The following SAMMSON variants were observed in gnomAD, a reference collection of about 807,000 sequenced individuals.
SAMMSON encodes the protein long intergenic non-protein coding RNA 1212.
chr3:70,187,878 C>T (rs927490640), intron 4 of SAMMSON, among the ~76,000 whole-genome samples: 1 of 152,120 alleles, frequency 6.6e-6, no homozygotes, highest in Non-Finnish European at 1.5e-5. Flanking sequence ...AGAAGCTCAG[C>T]CCTCTGGTTT....
At chr3:70,189,655 CTAGGGTAATCAAGAA>C (rs1701116934) in intron 4 of SAMMSON, among the ~76,000 whole-genome samples, 2 of 152,138 alleles carry the variant, frequency 1.3e-5, no homozygotes, top group Non-Finnish European at 2.9e-5. Context: ...TCTCGCCTAC[CTAGGGTAATCAAGAA>C]TAGACATCAG....
chr3:70,028,143 TTTCCTTCCTTCCTTCCTTCC>T (rs540467067), intron 3 of SAMMSON, among the ~76,000 whole-genome samples: 33 of 130,846 alleles, frequency 2.5e-4, no homozygotes, highest in Admixed American at 5.6e-4. Context: ...TCCTTCCTTC[TTTCCTTCCTTCCTTCCTTCC>T]TTCCTTCCTT....
chr3:70,406,396 C>G, intron 2 of SAMMSON, among the ~76,000 whole-genome samples: 1 of 152,076 alleles, frequency 6.6e-6, no homozygotes, highest in Non-Finnish European at 1.5e-5. Flanking sequence ...TTTGTGCTAA[C>G]AGACCTATAC....
chr3:70,109,881 G>A (rs2067381474), intron 4 of SAMMSON, among the ~76,000 whole-genome samples: 1 of 152,086 alleles, frequency 6.6e-6, no homozygotes, highest in African/African-American at 2.4e-5. Context: ...TTTACAGGTG[G>A]TCATTTGTTT....
intron 1 of SAMMSON, among the ~76,000 whole-genome samples, chr3:70,007,084 T>A (rs1442295214): frequency 6.6e-6 from 1 of 152,144 alleles, no homozygotes; most frequent in Non-Finnish European, 1.5e-5. Context: ...TCTTTGCTAT[T>A]GTGAATAGTG....
chr3:70,095,683 T>C (rs1012715300), intron 4 of SAMMSON, among the ~76,000 whole-genome samples: 6 of 152,156 alleles, frequency 3.9e-5, no homozygotes, highest in Admixed American at 2.0e-4. Context: ...CAGTAATGGT[T>C]CTTAGGAGTT....
chr3:70,118,021 C>T (rs192584083), intron 4 of SAMMSON, among the ~76,000 whole-genome samples: 8 of 152,142 alleles, frequency 5.3e-5, no homozygotes, highest in Admixed American at 5.2e-4. Flanking sequence ...GGGTTCACAC[C>T]ACTCTCCTGC....
intron 7 of SAMMSON, among the ~76,000 whole-genome samples, chr3:70,302,988 T>C (rs989802675): frequency 6.6e-6 from 1 of 152,198 alleles, no homozygotes; most frequent in African/African-American, 2.4e-5. Flanking sequence ...TCTCATCTTT[T>C]GCTGAACTTT....
At chr3:70,242,055 A>G (rs1249892858) in intron 4 of SAMMSON, among the ~76,000 whole-genome samples, 1 of 152,194 alleles carries the variant, frequency 6.6e-6, no homozygotes, top group Non-Finnish European at 1.5e-5. Flanking sequence ...CAGAAAGACT[A>G]GAGACAATTT....
intron 1 of SAMMSON, among the ~76,000 whole-genome samples, chr3:70,002,318 C>A (rs939194918): frequency 6.6e-6 from 1 of 152,086 alleles, no homozygotes; most frequent in African/African-American, 2.4e-5. Flanking sequence ...ATAAGAATAA[C>A]AACTACTGAC....
At chr3:70,403,661 C>T (rs1438755839) in intron 2 of SAMMSON, among the ~76,000 whole-genome samples, 1 of 152,104 alleles carries the variant, frequency 6.6e-6, no homozygotes, top group Non-Finnish European at 1.5e-5. Context: ...ACTCTCTAGG[C>T]CACAAAGTCT....
chr3:70,124,372 T>G (rs1209588147), intron 4 of SAMMSON, among the ~76,000 whole-genome samples: 5 of 152,218 alleles, frequency 3.3e-5, no homozygotes, highest in Non-Finnish European at 7.3e-5. Flanking sequence ...TTTTTATCAT[T>G]TGCGGGAGAA....
At chr3:70,113,123 T>A (rs2067396165) in intron 4 of SAMMSON, among the ~76,000 whole-genome samples, 1 of 152,302 alleles carries the variant, frequency 6.6e-6, no homozygotes, top group Middle Eastern at 3.4e-3. Context: ...TATATATATC[T>A]CCTTTCAGAA....
intron 7 of SAMMSON, among the ~76,000 whole-genome samples, chr3:70,294,233 A>G (rs887277519): frequency 6.6e-6 from 1 of 152,304 alleles, no homozygotes; most frequent in East Asian, 1.9e-4. Context: ...TAAAAATTAC[A>G]TTAAATTGAT....
intron 3 of SAMMSON, chr3:70,015,065 G>A (rs1291680889): frequency 1.3e-5 from 2 of 152,154 alleles, no homozygotes; most frequent in Admixed American, 6.5e-5. Flanking sequence ...CGGATCACTA[G>A]GTCAGGAGAT....
chr3:70,376,384 T>A (rs1233286253), intron 9 of SAMMSON, among the ~76,000 whole-genome samples: 1 of 152,194 alleles, frequency 6.6e-6, no homozygotes, highest in Non-Finnish European at 1.5e-5. Context: ...ATACACTAAT[T>A]GCTATTACTT....
At chr3:70,276,484 T>C (rs1575613018) in intron 6 of SAMMSON, among the ~76,000 whole-genome samples, 1 of 152,320 alleles carries the variant, frequency 6.6e-6, no homozygotes, top group Non-Finnish European at 1.5e-5. Flanking sequence ...GAAGTGGCTG[T>C]CCAGTGAATT....
At chr3:70,145,072 C>G (rs925304195) in intron 4 of SAMMSON, among the ~76,000 whole-genome samples, 1 of 152,098 alleles carries the variant, frequency 6.6e-6, no homozygotes, top group African/African-American at 2.4e-5. Context: ...CTGCTTTGCT[C>G]CCTTCTTCTT....
chr3:70,002,060 G>A (rs2066908081), intron 1 of SAMMSON, among the ~76,000 whole-genome samples: 1 of 152,146 alleles, frequency 6.6e-6, no homozygotes, highest in Non-Finnish European at 1.5e-5. Flanking sequence ...GTCATTGCCT[G>A]CATGAGTCTT....
Sources: allele counts gnomAD v4.1 joint callset (sites outside exome capture counted in the v4.1 genomes callset), GRCh38; gene constraint gnomAD v4.1.1; transcripts MANE v1.5; gene names NCBI Gene and HGNC (gene_info 2026-07-23, HGNC 2026-07-21).